KLF10: variants seen among roughly 807,000 people sequenced by gnomAD.
KLF10 encodes KLF transcription factor 10.
KLF10 carries 17 observed loss-of-function variants against 31.6 expected under a neutral mutation model. The observed-to-expected ratio is 0.54, with a 90% CI of 0.37 to 0.81. The LOEUF is 0.81. Ranked by LOEUF, KLF10 falls within the 30% of genes least tolerant of loss-of-function variation. KLF10 has a pLI of 0.00. For missense variants in KLF10, 525 were observed against 598.1 expected (o/e 0.88, Z 1.27); for synonymous variants, 239 against 215.1 (o/e 1.11, Z -0.97).
rs146404355 is a variant in KLF10 at position 102,650,354 on chromosome 8, T to C, written c.1221A>G (p.Glu407=). The part of the protein sequence containing the change: ...KPFSCSWKGC[E]RRFARSDELS... ...GTTCATCAGAACGGGCAAACCTCCT[T>C]TCACAACCTTTCCAGCTACAGCTGA... Residue 407 remains glutamate (E), a synonymous_variant, in exon 4 of 4, where the codon GAA becomes GAG. Transcript: ENST00000285407. 83 of 1,614,172 alleles carry C rather than the reference T, an allele frequency of 5.1e-5. 1 individual carries two copies. The African/African-American group carries it at 1.1e-3, about 20-fold the overall frequency.
At chr8:102,652,584 G>A (rs543628791) in intron 1 of KLF10, among the ~76,000 whole-genome samples, 187 bp from the exon 2 acceptor site, 5 of 151,508 alleles carry the variant, frequency 3.3e-5, no homozygotes, top group Non-Finnish European at 7.4e-5. Context: ...TTGTTAGGTA[G>A]GTAACCCAAA....
At position 102,653,830 on chromosome 8, in the gene KLF10, GGGAGTGGGGCGCGAGGCA is replaced by G. The variant is rs536745442; in HGVS notation, c.37-1451_37-1434del. 217 of 1,023,762 alleles carry G rather than the reference GGGAGTGGGGCGCGAGGCA, an allele frequency of 2.1e-4. No individual in the cohort carries two copies. The African/African-American group carries it at 2.7e-3, about 13-fold the overall frequency. The allele number at this position is 1,023,762 out of a possible 1,614,324, so 63.4% of individuals were successfully genotyped here. On this transcript the variant is annotated intron_variant, in intron 1 of 3. Transcript: ENST00000285407. ...GAAGGGAAACAGGGAGGGGAGGAAA[GGGAGTGGGGCGCGAGGCA>G]GGAAAGGGAAGCGCGGGCGGAGGCG... is the stretch of plus-strand genomic sequence containing the variant.
Position 102,651,993 on chromosome 8 carries a change from C to G in KLF10, c.339G>C (p.Ala113=). The change falls in exon 3 of 4, where the codon GCG becomes GCC. Residue 113 remains alanine (A), a synonymous_variant. Transcript: ENST00000285407. ...GTGACTTGAAGTGTACAGTAGATGG[C>G]GCTGGTGCCATCAGATTTGACACTT... ...PSQVSNLMAP[A]PSTVHFKSLS... 1.2e-6 allele frequency: 2 copies of G among 1,613,582 alleles called. No individual in the cohort carries two copies. Among genetic ancestry groups the G allele is most frequent in the Non-Finnish European group, 1.7e-6 (2 of 1,179,910 alleles).
intron 1 of KLF10, chr8:102,654,128 T>A (rs959469221): frequency 1.0e-5 from 2 of 195,216 alleles, no homozygotes; most frequent in African/African-American, 4.8e-5. Context: ...GAACAAAGCG[T>A]GATCAGCGGC....
At position 102,650,227 on chromosome 8, in the gene KLF10, G is replaced by A. The variant is rs757650416; in HGVS notation, c.1348C>T (p.Arg450Cys). Residue 450 changes from arginine to cysteine, a missense_variant, in exon 4 of 4, where the codon CGC becomes TGC. Around this residue, in one of 3 missense-constraint regions of KLF10, gnomAD observed 42 missense variants for 42.4 expected, o/e 0.99. Transcript: ENST00000285407. The part of the protein sequence containing the change: ...RSDHLTKHAR[R>C]HLSAKKLPNW... ...GGTAGCTTCTTGGCTGATAGATGGCGCCGGGCATGCTTGGTCAAATGGTCA... is the reference window on the plus strand; with the variant it reads ...GGTAGCTTCTTGGCTGATAGATGGCACCGGGCATGCTTGGTCAAATGGTCA... 6 of 1,614,182 alleles carry A rather than the reference G, an allele frequency of 3.7e-6. No individual in the cohort carries two copies. The highest frequency in any genetic ancestry group is 2.2e-5 in the East Asian group (1 of 44,880).
In KLF10 at chr8:102,651,598, G is replaced by A. The variant is rs769989023; in HGVS notation, c.734C>T (p.Pro245Leu). 6.2e-7 allele frequency: 1 copy of A among 1,614,190 alleles called. No homozygotes were observed. The highest frequency in any genetic ancestry group is 8.5e-7 in the Non-Finnish European group (1 of 1,180,028). The stretch of plus-strand genomic sequence containing the variant: ...CTTCTGTTGTGGGGACACAGGGGCT[G>A]GCTGAGACCTGCAGATGACCGTCTC... ...SSETVICRSQ[P>L]APVSPQQKSV... Residue 245 changes from proline to leucine, a missense_variant, in exon 3 of 4, where the codon CCA (proline) becomes CTA (leucine). By Grantham distance (98) the Pro-to-Leu change is moderately conservative. Coordinates refer to ENST00000285407, the MANE Select transcript of KLF10 (RefSeq NM_005655.4).
chr8:102,651,771 T>C lies in KLF10; in HGVS notation c.561A>G (p.Arg187=), dbSNP rs756525066. The change falls in exon 3 of 4, where the codon AGA becomes AGG. Residue 187 remains arginine (R), a synonymous_variant. Transcript: ENST00000285407. ...CAGCCTCAACATTTAGGTGGGTTCT[T>C]CTTCTAAAAGAATTGTTCTGATAGT... ...ILNYQNNSFR[R]RTHLNVEAAR... 8 of 1,614,146 alleles carry C rather than the reference T, an allele frequency of 5.0e-6. No individual in the cohort carries two copies. The African/African-American group carries it at 1.1e-4, about 22-fold the overall frequency.
intron 1 of KLF10, 67 bp from the exon 2 acceptor site, chr8:102,652,464 G>T: frequency 1.7e-4 from 123 of 734,876 alleles, no homozygotes; most frequent in Non-Finnish European, 2.2e-4. Context: ...ACAGAAAAAT[G>T]AGCAAATTTT....
At position 102,650,127 on chromosome 8, in the gene KLF10, G is replaced by C. The variant is rs1363054120; in HGVS notation, c.*5C>G. On this transcript the variant is annotated 3_prime_UTR_variant, in exon 4 of 4. Transcript: ENST00000285407. ...GTTAGTTCTGACTCTTCACTTTCCGGTCTGTCACTGTGTGGGAGCAGGGGT... is the reference window on the plus strand; with the variant it reads ...GTTAGTTCTGACTCTTCACTTTCCGCTCTGTCACTGTGTGGGAGCAGGGGT... 6.2e-6 allele frequency: 10 copies of C among 1,613,768 alleles called. No individual in the cohort carries two copies. The African/African-American group carries it at 6.7e-5, about 11-fold the overall frequency.
rs1827138256 is a variant in KLF10 at position 102,648,792 on chromosome 8, G to A, written c.*1340C>T. 3 of 152,398 alleles carry A rather than the reference G, an allele frequency of 2.0e-5. No homozygotes were observed. The highest frequency in any genetic ancestry group is 2.0e-4 in the Admixed American group (3 of 15,270). The allele number at this position is 152,398 out of a possible 1,614,324, so 9.4% of individuals were successfully genotyped here. ...GCAATGACCATTCCATATACCAAAG[G>A]GAATTCTTTATTGTAAACAAGATAT... On this transcript the variant is annotated 3_prime_UTR_variant, in exon 4 of 4. Coordinates refer to ENST00000285407, the MANE Select transcript of KLF10 (RefSeq NM_005655.4).
Position 102,649,879 on chromosome 8 carries a change from A to C in KLF10, c.*253T>G, listed in dbSNP as rs1489230263. 1.9e-6 allele frequency: 1 copy of C among 528,370 alleles called. No homozygotes were observed. Among genetic ancestry groups the C allele is most frequent in the Non-Finnish European group, 3.4e-6 (1 of 298,180 alleles). The allele number at this position is 528,370 out of a possible 1,614,324, so 32.7% of individuals were successfully genotyped here. A position where few individuals can be genotyped will look rare whatever the true frequency, so the allele number is the denominator to read the frequency against. On this transcript the variant is annotated 3_prime_UTR_variant, in exon 4 of 4. Coordinates refer to ENST00000285407, the MANE Select transcript of KLF10 (RefSeq NM_005655.4). ...TGTGTTGACCTCATCTGAAACCTTCAAAAAATATTCAAAGGAATAAAAGCT... is the reference window on the plus strand; with the variant it reads ...TGTGTTGACCTCATCTGAAACCTTCCAAAAATATTCAAAGGAATAAAAGCT...
rs199615401 is a variant in KLF10, at chr8:102,651,647, A to G, written c.685T>C (p.Tyr229His). 4.3e-6 allele frequency: 7 copies of G among 1,614,258 alleles called. No individual in the cohort carries two copies. In the Admixed American group the frequency reaches 5.0e-5, roughly 12 times the overall value. Residue 229 changes from tyrosine to histidine, a missense_variant, in exon 3 of 4, where the codon TAT becomes CAT. Transcript: ENST00000285407. ...DVDEKASAAL[Y>H]DFSVPSSETV... is the part of the protein sequence containing the mutation. ...TCTGAGGAAGGCACAGAAAAGTCAT[A>G]AAGTGCAGCACTTGCTTTCTCATCA...
At position 102,649,233 on chromosome 8, in the gene KLF10, A is replaced by T. The variant is rs1046300326; in HGVS notation, c.*899T>A. On this transcript the variant is annotated 3_prime_UTR_variant, in exon 4 of 4. Transcript: ENST00000285407. ...AACATAAAGGTACTTTACTGATGAC[A>T]TAAGCCATCTTTTTCAAGAAGTTAT... 2 of 152,640 alleles carry T rather than the reference A, an allele frequency of 1.3e-5. No homozygotes were observed. Among genetic ancestry groups the T allele is most frequent in the Non-Finnish European group, 2.9e-5 (2 of 68,032 alleles). The allele number at this position is 152,640 out of a possible 1,614,324, so 9.5% of individuals were successfully genotyped here.
chr8:102,649,747 T>C lies in KLF10; in HGVS notation c.*385A>G. 1 of 210,924 alleles carries C rather than the reference T, an allele frequency of 4.7e-6. No homozygotes were observed. Among genetic ancestry groups the C allele is most frequent in the South Asian group, 9.1e-5 (1 of 11,018 alleles). 13.1% of individuals were successfully genotyped at this position (210,924 alleles called of 1,614,324 possible). A position where few individuals can be genotyped will look rare whatever the true frequency, so the allele number is the denominator to read the frequency against. ...TGTTTATTTCCTTCCAGCCTCCATA[T>C]TCTTGAAACCAGTGCTTTAGAAGAA... On this transcript the variant is annotated 3_prime_UTR_variant, in exon 4 of 4. Coordinates refer to ENST00000285407, the MANE Select transcript of KLF10 (RefSeq NM_005655.4).
rs200739482 is a variant in KLF10, at chr8:102,651,764, G to A, written c.568C>T (p.His190Tyr). The A allele has an allele frequency of 6.2e-7, 1 of 1,614,222 alleles. No homozygotes were observed. Among genetic ancestry groups the A allele is most frequent in the South Asian group, 1.1e-5 (1 of 91,084 alleles). Residue 190 changes from histidine (H) to tyrosine (Y), a missense_variant, in exon 3 of 4, where the codon CAC (histidine) becomes TAC (tyrosine). By Grantham distance (83) the His-to-Tyr change is moderately conservative (BLOSUM62 2). Around this residue, in one of 3 missense-constraint regions of KLF10, gnomAD observed 434 missense variants for 450.7 expected, o/e 0.96. Transcript: ENST00000285407. ...TTTCTTGCAGCCTCAACATTTAGGTGGGTTCTTCTTCTAAAAGAATTGTTC... is the reference window on the plus strand; with the variant it reads ...TTTCTTGCAGCCTCAACATTTAGGTAGGTTCTTCTTCTAAAAGAATTGTTC... The part of the protein sequence containing the change: ...YQNNSFRRRT[H>Y]LNVEAARKNI...
Position 102,649,910 on chromosome 8 carries a change from A to G in KLF10, c.*222T>C. On this transcript the variant is annotated 3_prime_UTR_variant, in exon 4 of 4. Coordinates refer to ENST00000285407, the MANE Select transcript of KLF10 (RefSeq NM_005655.4). ...TATTCAAAGGAATAAAAGCTTTCTC[A>G]TCTCTCTTATGTGATAAGAAATGAA... The G allele has an allele frequency of 1.7e-6, 1 of 576,624 alleles. No individual in the cohort carries two copies. The highest frequency in any genetic ancestry group is 3.1e-6 in the Non-Finnish European group (1 of 327,412). 35.7% of individuals were successfully genotyped at this position (576,624 alleles called of 1,614,324 possible).
intron 1 of KLF10, chr8:102,653,984 C>G (rs1430429027): frequency 1.0e-6 from 1 of 985,260 alleles, no homozygotes; most frequent in Non-Finnish European, 1.2e-6. Context: ...GGGTGAGTCA[C>G]TGGGAACATT....
In KLF10 at chr8:102,651,592, G is replaced by C; in HGVS notation, c.740C>G (p.Pro247Arg). 6.2e-7 allele frequency: 1 copy of C among 1,614,242 alleles called. No homozygotes were observed. Among genetic ancestry groups the C allele is most frequent in the South Asian group, 1.1e-5 (1 of 91,084 alleles). ...ETVICRSQPA[P>R]VSPQQKSVLV... is the part of the protein sequence containing the mutation. ...CACTGACTTCTGTTGTGGGGACACA[G>C]GGGCTGGCTGAGACCTGCAGATGAC... The change falls in exon 3 of 4, where the codon CCT becomes CGT. Residue 247 changes from proline (P) to arginine (R), a missense_variant. Coordinates refer to ENST00000285407, the MANE Select transcript of KLF10 (RefSeq NM_005655.4).
At position 102,651,256 on chromosome 8, in the gene KLF10, G is replaced by A. The variant is rs771793433; in HGVS notation, c.1076C>T (p.Pro359Leu). 1.9e-6 allele frequency: 3 copies of A among 1,605,566 alleles called. No homozygotes were observed. The highest frequency in any genetic ancestry group is 2.6e-6 in the Non-Finnish European group (3 of 1,175,828). ...CCTTATCCTTGATGAATCAATCTGAGGAGTGACTTTTGCTGCTGAAGGGGA... is the reference window on the plus strand; with the variant it reads ...CCTTATCCTTGATGAATCAATCTGAAGAGTGACTTTTGCTGCTGAAGGGGA... ...GFSPSAAKVT[P>L]QIDSSRIRSH... The change falls in exon 3 of 4, where the codon CCT becomes CTT. Residue 359 changes from proline to leucine, a missense_variant. Pro to Leu is a moderately conservative substitution (Grantham distance 98). This residue lies in a region of KLF10 where 434 missense variants were observed against 450.7 expected (regional missense o/e 0.96). Transcript: ENST00000285407.
Sources: allele counts gnomAD v4.1 joint callset (sites outside exome capture counted in the v4.1 genomes callset), GRCh38; gene constraint gnomAD v4.1.1; regional missense constraint gnomAD v4.1.1; transcripts MANE v1.5; gene names NCBI Gene and HGNC (gene_info 2026-07-23, HGNC 2026-07-21).